Variants in MIPOL1 observed in about 807,000 individuals in gnomAD.
MIPOL1 encodes mirror-image polydactyly 1.
Under a neutral mutation model 60.9 loss-of-function variants are expected in MIPOL1, and 57 were observed. The ratio of observed to expected loss-of-function variants is 0.94; its 90% CI spans 0.76 to 1.17. The LOEUF is 1.17. MIPOL1 is among the 50% of genes most tolerant of loss of function. The pLI, the probability that MIPOL1 is intolerant of heterozygous loss-of-function variation, is 0.00. For synonymous variants in MIPOL1, 179 were observed against 168.8 expected (o/e 1.06, Z -0.47); for missense variants, 551 against 511.6 (o/e 1.08, Z -0.74).
chr14:37,381,392 G>C (rs1031599542), intron 10 of MIPOL1, among the ~76,000 whole-genome samples: 1 of 152,058 alleles, frequency 6.6e-6, no homozygotes, highest in African/African-American at 2.4e-5. Flanking sequence ...GGCCAAAAGG[G>C]TGTAGAAGAG....
intron 1 of MIPOL1, among the ~76,000 whole-genome samples, chr14:37,217,074 A>G (rs562858756): frequency 4.6e-5 from 7 of 152,326 alleles, no homozygotes; most frequent in East Asian, 1.9e-4. Flanking sequence ...AAAATGAGAC[A>G]TTACAACTGA....
chr14:37,450,263 G>C (rs934933251), intron 11 of MIPOL1, among the ~76,000 whole-genome samples: 3 of 152,068 alleles, frequency 2.0e-5, no homozygotes, highest in Admixed American at 1.3e-4. Flanking sequence ...CCAGTTTGCT[G>C]CACAGTTTTC....
intron 1 of MIPOL1, among the ~76,000 whole-genome samples, chr14:37,225,482 G>A (rs967016951): frequency 3.3e-5 from 5 of 152,204 alleles, no homozygotes; most frequent in Admixed American, 6.5e-5. Flanking sequence ...AAGCTGCCAA[G>A]GTTTGAGGCT....
intron 1 of MIPOL1, among the ~76,000 whole-genome samples, chr14:37,200,217 T>A (rs766777657): frequency 1.3e-5 from 2 of 152,244 alleles, no homozygotes; most frequent in Non-Finnish European, 2.9e-5. Context: ...ACTACCTGTA[T>A]TTTAGGTTGT....
chr14:37,341,899 T>C (rs1175788509), intron 9 of MIPOL1, among the ~76,000 whole-genome samples: 10 of 152,258 alleles, frequency 6.6e-5, no homozygotes, highest in African/African-American at 2.4e-4. Context: ...TACTTGACTT[T>C]AGAGGAGTTA....
intron 9 of MIPOL1, among the ~76,000 whole-genome samples, chr14:37,361,002 G>A (rs971738119): frequency 3.3e-5 from 5 of 152,186 alleles, no homozygotes; most frequent in African/African-American, 1.2e-4. Context: ...GTGTCCCAGA[G>A]ATTCTGTTAC....
Position 37,267,860 on chromosome 14 carries a change from A to G in MIPOL1, c.251+691A>G, listed in dbSNP as rs945514981. Among the ~76,000 whole-genome samples, 13 of 152,264 alleles carry G rather than the reference A, an allele frequency of 8.5e-5. 1 individual carries two copies. The highest frequency in any genetic ancestry group is 2.6e-4 in the African/African-American group (11 of 41,564). On this transcript the variant is annotated intron_variant, in intron 4 of 12. Transcript: ENST00000684589. Reference sequence around the variant, plus strand: ...CCAAACATGCATTTTGGTTTGGGTTAGCGCTATTTTTCATTTAAATGAATT... The same window carrying G: ...CCAAACATGCATTTTGGTTTGGGTTGGCGCTATTTTTCATTTAAATGAATT...
intron 11 of MIPOL1, among the ~76,000 whole-genome samples, chr14:37,457,524 T>C (rs567364311): frequency 3.0e-4 from 45 of 152,290 alleles, no homozygotes; most frequent in African/African-American, 1.0e-3. Context: ...TCACTCACCT[T>C]ACTCTACAAG....
intron 9 of MIPOL1, among the ~76,000 whole-genome samples, chr14:37,343,696 A>T (rs1009639459): frequency 1.3e-5 from 2 of 152,192 alleles, no homozygotes; most frequent in African/African-American, 4.8e-5. Flanking sequence ...TTCAGAAAGT[A>T]AAGAACATAG....
chr14:37,489,765 G>A (rs2095018684), intron 11 of MIPOL1, among the ~76,000 whole-genome samples: 1 of 152,046 alleles, frequency 6.6e-6, no homozygotes, highest in African/African-American at 2.4e-5. Context: ...GTTTGCCTGG[G>A]TATCACCAGC....
chr14:37,521,950 G>A, intron 12 of MIPOL1, among the ~76,000 whole-genome samples: 1 of 147,032 alleles, frequency 6.8e-6, no homozygotes, highest in East Asian at 2.0e-4. Context: ...ACAGAGCAGA[G>A]AACATTACCA....
At chr14:37,411,440 G>T (rs555317563) in intron 10 of MIPOL1, among the ~76,000 whole-genome samples, 1 of 152,040 alleles carries the variant, frequency 6.6e-6, no homozygotes, top group Non-Finnish European at 1.5e-5. Context: ...CAGGACAAGC[G>T]TATTGAAAAT....
At position 37,371,124 on chromosome 14, in the gene MIPOL1, A is replaced by AT. The variant is rs71127214; in HGVS notation, c.936+1515dup. ...GAGAAATAAAGAAATAGATGGAATAATTTTTTTTTTTTTTTGAGACAGTCT... is the reference window on the plus strand; with the variant it reads ...GAGAAATAAAGAAATAGATGGAATAATTTTTTTTTTTTTTTTGAGACAGTCT... On this transcript the variant is annotated intron_variant, in intron 10 of 12. Transcript: ENST00000684589. 2.7e-3 allele frequency among the ~76,000 whole-genome samples: 381 copies of AT among 143,434 alleles called. 1 individual carries two copies. Among genetic ancestry groups the AT allele is most frequent in the South Asian group, 0.015 (69 of 4,474 alleles). The allele number at this position is 143,434 out of a possible 152,430, so 94.1% of individuals were successfully genotyped here.
At chr14:37,468,470 C>T (rs568043760) in intron 11 of MIPOL1, among the ~76,000 whole-genome samples, 1 of 152,124 alleles carries the variant, frequency 6.6e-6, no homozygotes, top group East Asian at 1.9e-4. Context: ...TTCTTAGTGT[C>T]CAGAAAGTAA....
At chr14:37,440,288 A>G (rs891315990) in intron 11 of MIPOL1, among the ~76,000 whole-genome samples, 2 of 152,240 alleles carry the variant, frequency 1.3e-5, no homozygotes, top group Non-Finnish European at 2.9e-5. Context: ...TTTTTATTAT[A>G]TAAACTTATG....
At position 37,324,778 on chromosome 14, in the gene MIPOL1, G is replaced by A. The variant is rs536925754; in HGVS notation, c.828+16259G>A. ...TTTTTAAACAGGTGAATATCCAGTTGTTTCAGCATTATTTGTTGAGAGATG... is the reference window on the plus strand; with the variant it reads ...TTTTTAAACAGGTGAATATCCAGTTATTTCAGCATTATTTGTTGAGAGATG... On this transcript the variant is annotated intron_variant, in intron 9 of 12. Coordinates refer to ENST00000684589, the MANE Select transcript of MIPOL1 (RefSeq NM_001388067.1). Among the ~76,000 whole-genome samples, 4 of 152,130 alleles carry A rather than the reference G, an allele frequency of 2.6e-5. No individual in the cohort carries two copies. In the South Asian group the frequency reaches 8.3e-4, roughly 32 times the overall value.
intron 10 of MIPOL1, among the ~76,000 whole-genome samples, chr14:37,374,707 G>T (rs1303572450): frequency 6.6e-6 from 1 of 152,002 alleles, no homozygotes; most frequent in African/African-American, 2.4e-5. Flanking sequence ...GATGTGTAGT[G>T]TTATTTCTGA....
intron 3 of MIPOL1, among the ~76,000 whole-genome samples, chr14:37,248,630 A>G (rs1378804372): frequency 1.3e-5 from 2 of 151,984 alleles, no homozygotes; most frequent in Non-Finnish European, 1.5e-5. Context: ...CTATATCTAT[A>G]TCTATATATA....
chr14:37,276,292 A>AT (rs1302314001), intron 6 of MIPOL1: 3 of 151,048 alleles, frequency 2.0e-5, no homozygotes, highest in Non-Finnish European at 3.0e-5. Context: ...TTGTCAATAT[A>AT]TTTTTTATTA....
Sources: allele counts gnomAD v4.1 joint callset (sites outside exome capture counted in the v4.1 genomes callset), GRCh38; gene constraint gnomAD v4.1.1; transcripts MANE v1.5; gene names NCBI Gene and HGNC (gene_info 2026-07-23, HGNC 2026-07-21).